Variants in MRPL43 observed in about 807,000 individuals in gnomAD.
MRPL43 encodes large ribosomal subunit protein mL43.
Under a neutral mutation model 12.7 loss-of-function variants are expected in MRPL43, and 9 were observed. The observed-to-expected ratio is 0.71, with a 90% CI of 0.43 to 1.24. The LOEUF (loss-of-function observed/expected upper bound fraction) is 1.24. Among genes scored for constraint, MRPL43 ranks in the 50% most tolerant of loss-of-function variants. MRPL43 has a pLI of 0.00. For missense variants in MRPL43, 211 were observed against 229.2 expected (o/e 0.92, Z 0.51); for synonymous variants, 116 against 96.4 (o/e 1.20, Z -1.19).
In MRPL43 at chr10:100,986,585, A is replaced by G; in HGVS notation, c.*149T>C. ...CCAGAAGCAGGCACTGGAAAGAAACAGGCAGCTCTTCATTATCCCAAGCAG... is the reference window on the plus strand; with the variant it reads ...CCAGAAGCAGGCACTGGAAAGAAACGGGCAGCTCTTCATTATCCCAAGCAG... On this transcript the variant is annotated 3_prime_UTR_variant, in exon 3 of 3. Transcript: ENST00000318364. 3 of 1,598,666 alleles carry G rather than the reference A, an allele frequency of 1.9e-6. No homozygotes were observed. Among genetic ancestry groups the G allele is most frequent in the Admixed American group, 3.5e-5 (2 of 57,376 alleles).
chr10:100,986,557 C>A lies in MRPL43; in HGVS notation c.*177G>T. ...AAATGAGTGGTTCACAAGGTCACTGCCCCCAGAAGCAGGCACTGGAAAGAA... is the reference window on the plus strand; with the variant it reads ...AAATGAGTGGTTCACAAGGTCACTGACCCCAGAAGCAGGCACTGGAAAGAA... On this transcript the variant is annotated 3_prime_UTR_variant, in exon 3 of 3. Transcript: ENST00000318364. 6.4e-7 allele frequency: 1 copy of A among 1,566,278 alleles called. No individual in the cohort carries two copies. Among genetic ancestry groups the A allele is most frequent in the Non-Finnish European group, 8.7e-7 (1 of 1,155,562 alleles).
downstream of MRPL43, chr10:100,983,610 G>A: frequency 6.2e-7 from 1 of 1,614,058 alleles, no homozygotes; most frequent in Non-Finnish European, 8.5e-7. Flanking sequence ...TGCCACACCT[G>A]GGGCACAGCT....
chr10:100,983,246 G>A (rs540686457), downstream of MRPL43: 291 of 1,459,166 alleles, frequency 2.0e-4, no homozygotes, highest in Non-Finnish European at 2.6e-4. Context: ...AGTCTGGCTT[G>A]CCATCTCTAA....
rs1038773314 is a variant in MRPL43, at chr10:100,986,295, T to C, written c.*439A>G. 10 of 1,383,418 alleles carry C rather than the reference T, an allele frequency of 7.2e-6. No homozygotes were observed. The African/African-American group carries it at 7.3e-5, about 10-fold the overall frequency. 85.7% of individuals were successfully genotyped at this position (1,383,418 alleles called of 1,614,324 possible). ...GAAATGTGACCTTGGATAAGTTTAT[T>C]AACCTGTTTTATAAATCTGTATTCA... On this transcript the variant is annotated 3_prime_UTR_variant, in exon 3 of 3. Coordinates refer to ENST00000318364, the MANE Select transcript of MRPL43 (RefSeq NM_032112.3).
rs1851486474 is a variant in MRPL43, at chr10:100,986,575, G to A, written c.*159C>T. Reference sequence around the variant, plus strand: ...GTCACTGCCCCCAGAAGCAGGCACTGGAAAGAAACAGGCAGCTCTTCATTA... The same window carrying A: ...GTCACTGCCCCCAGAAGCAGGCACTAGAAAGAAACAGGCAGCTCTTCATTA... On this transcript the variant is annotated 3_prime_UTR_variant, in exon 3 of 3. Coordinates refer to ENST00000318364, the MANE Select transcript of MRPL43 (RefSeq NM_032112.3). 4 of 1,587,216 alleles carry A rather than the reference G, an allele frequency of 2.5e-6. No individual in the cohort carries two copies. Among genetic ancestry groups the A allele is most frequent in the Admixed American group, 3.6e-5 (2 of 55,344 alleles).
rs1336335435 is a variant in MRPL43, at chr10:100,987,213, A to G, written c.132-17T>C. 6.2e-7 allele frequency: 1 copy of G among 1,613,676 alleles called. No homozygotes were observed. Among genetic ancestry groups the G allele is most frequent in the South Asian group, 1.1e-5 (1 of 91,084 alleles). On this transcript the variant is annotated splice_polypyrimidine_tract_variant and intron_variant, in intron 1 of 2. Coordinates refer to ENST00000318364, the MANE Select transcript of MRPL43 (RefSeq NM_032112.3). The stretch of plus-strand genomic sequence containing the variant: ...ACGAACTCCCTAAGCGACCCGGGAC[A>G]GTGAGCAGTATGACCCCTGACTGGG...
downstream of MRPL43, chr10:100,980,545 T>G: frequency 6.4e-7 from 1 of 1,559,116 alleles, no homozygotes; most frequent in Non-Finnish European, 8.8e-7. Flanking sequence ...GATCCCATAG[T>G]TGGGGTCTAA....
chr10:100,978,451 G>T, downstream of MRPL43: 1 of 1,596,258 alleles, frequency 6.3e-7, no homozygotes, highest in Non-Finnish European at 8.6e-7. Flanking sequence ...TCATCTCTAG[G>T]ACCTGCCACC....
At chr10:100,978,278 G>T, downstream of MRPL43, 1 of 1,602,494 alleles carries the variant, frequency 6.2e-7, no homozygotes, top group Non-Finnish European at 8.5e-7. Flanking sequence ...ACTTACTGCT[G>T]GTTCCTTGTT....
chr10:100,984,688 T>C, downstream of MRPL43: 1 of 1,536,244 alleles, frequency 6.5e-7, no homozygotes. Flanking sequence ...TCTTGTTTCA[T>C]CCCTGCTTCT....
chr10:100,980,935 G>A (rs777961396), downstream of MRPL43: 1 of 1,610,784 alleles, frequency 6.2e-7, no homozygotes, highest in Non-Finnish European at 8.5e-7. Flanking sequence ...ACTGTGGCTG[G>A]GACCCTGGCA....
chr10:100,983,658 G>A (rs1454241106), downstream of MRPL43: 2 of 1,613,486 alleles, frequency 1.2e-6, no homozygotes, highest in Non-Finnish European at 1.7e-6. Context: ...GCTAGCCATT[G>A]CCGCGCTTGG....
downstream of MRPL43, chr10:100,981,375 G>A (rs984743058): frequency 3.3e-5 from 53 of 1,610,332 alleles, no homozygotes; most frequent in African/African-American, 5.7e-4. Context: ...CTGGCACAGA[G>A]TAAGTGCTCA....
chr10:100,986,129 C>A, downstream of MRPL43: 1 of 237,772 alleles, frequency 4.2e-6, no homozygotes, highest in Non-Finnish European at 7.2e-6. Context: ...TCCCCTCTCC[C>A]TTTCAGGGGT....
At chr10:100,978,245 T>A, downstream of MRPL43, 1 of 1,418,650 alleles carries the variant, frequency 7.0e-7, no homozygotes, top group Non-Finnish European at 9.9e-7. Context: ...TTTGAGCCAC[T>A]GTCCCTGCCT....
chr10:100,986,580 G>A lies in MRPL43; in HGVS notation c.*154C>T, dbSNP rs765836035. On this transcript the variant is annotated 3_prime_UTR_variant, in exon 3 of 3. Coordinates refer to ENST00000318364, the MANE Select transcript of MRPL43 (RefSeq NM_032112.3). ...TGCCCCCAGAAGCAGGCACTGGAAA[G>A]AAACAGGCAGCTCTTCATTATCCCA... The A allele has an allele frequency of 1.9e-6, 3 of 1,593,044 alleles. No homozygotes were observed. Among genetic ancestry groups the A allele is most frequent in the South Asian group, 2.3e-5 (2 of 88,722 alleles).
downstream of MRPL43, chr10:100,979,477 G>C: frequency 7.4e-7 from 1 of 1,355,294 alleles, no homozygotes; most frequent in Non-Finnish European, 9.9e-7. Flanking sequence ...CCGCCTCCCG[G>C]GTTCAAGTGA....
chr10:100,984,254 T>C (rs976114197), downstream of MRPL43: 5 of 1,447,544 alleles, frequency 3.5e-6, no homozygotes, highest in African/African-American at 4.3e-5. Flanking sequence ...TCCCAACTTT[T>C]TGATGTCCCT....
At chr10:100,983,859 C>T, downstream of MRPL43, 1 of 1,580,542 alleles carries the variant, frequency 6.3e-7, no homozygotes, top group Non-Finnish European at 8.6e-7. Flanking sequence ...GGCTGGGGGC[C>T]TGGAGGGCAG....
Sources: allele counts gnomAD v4.1 joint callset, GRCh38; gene constraint gnomAD v4.1.1; transcripts MANE v1.5; gene names NCBI Gene and HGNC (gene_info 2026-07-23, HGNC 2026-07-21).